Variants in COL4A4 observed in about 807,000 individuals in gnomAD.
The protein encoded by COL4A4 is collagen type IV alpha 4 chain, also known as collagen alpha-4(IV) chain.
COL4A4 carries 105 observed loss-of-function variants against 192.9 expected under a neutral mutation model. The ratio of observed to expected loss-of-function variants is 0.54; its 90% confidence interval spans 0.46 to 0.64. The LOEUF is 0.64. Ranked by LOEUF, COL4A4 falls within the 30% of genes least tolerant of loss-of-function variation. COL4A4 has a pLI of 0.00. For missense variants in COL4A4, 1,967 were observed against 2,169.3 expected, an observed-to-expected ratio of 0.91 and a Z score of 1.85; for synonymous variants, 762 against 769.9, an observed-to-expected ratio of 0.99 and a Z score of 0.17.
intron 8 of COL4A4, among the ~76,000 whole-genome samples, chr2:227,112,488 C>T (rs749505855): frequency 1.3e-5 from 2 of 152,108 alleles, no homozygotes; most frequent in African/African-American, 2.4e-5. Flanking sequence ...AGGCTGGTCT[C>T]GAACTCCTGA....
intron 34 of COL4A4, among the ~76,000 whole-genome samples, chr2:227,048,299 A>G (rs1973325431): frequency 6.6e-6 from 1 of 152,156 alleles, no homozygotes; most frequent in South Asian, 2.1e-4. Flanking sequence ...TCTTTCTCCT[A>G]TCTGATTTTA....
Position 227,032,232 on chromosome 2 carries a change from GCCCAGGTATT to G in COL4A4, c.3612_3621del (p.Ile1205Ter). 6.2e-7 allele frequency: 1 copy of G among 1,614,006 alleles called. No individual in the cohort carries two copies. Among genetic ancestry groups the G allele is most frequent in the East Asian group, 2.2e-5 (1 of 44,874 alleles). ...CCAGGGTCTCCTCTCTCCCCTTTTA[GCCCAGGTATT>G]CCCACTGGACCAGGTGGCCCCACAT... On this transcript the variant is annotated frameshift_variant, in exon 39 of 48. Transcript: ENST00000396625. LOFTEE classifies it high-confidence loss of function.
chr2:227,152,537 C>G (rs2064022298), intron 1 of COL4A4, among the ~76,000 whole-genome samples: 1 of 152,192 alleles, frequency 6.6e-6, no homozygotes, highest in Non-Finnish European at 1.5e-5. Flanking sequence ...GTTGCAGAGA[C>G]TTTTATGACT....
intron 4 of COL4A4, among the ~76,000 whole-genome samples, chr2:227,125,393 G>C (rs2062027699): frequency 1.3e-5 from 2 of 151,978 alleles, no homozygotes; most frequent in Non-Finnish European, 2.9e-5. Flanking sequence ...ATTTTTAGTA[G>C]AGACTGGGTT....
chr2:227,020,472 A>G, intron 44 of COL4A4, among the ~76,000 whole-genome samples: 1 of 152,212 alleles, frequency 6.6e-6, no homozygotes, highest in East Asian at 1.9e-4. Flanking sequence ...GAAAACCCAA[A>G]TTAATTTGAG....
chr2:227,159,507 C>T (rs1345899503), intron 1 of COL4A4, among the ~76,000 whole-genome samples: 1 of 152,144 alleles, frequency 6.6e-6, no homozygotes, highest in Non-Finnish European at 1.5e-5. Context: ...TTTTTAGATT[C>T]CCTAATGATA....
chr2:227,141,125 G>A (rs2063181051), intron 3 of COL4A4, among the ~76,000 whole-genome samples: 1 of 152,220 alleles, frequency 6.6e-6, no homozygotes, highest in Admixed American at 6.5e-5. Flanking sequence ...GGGAGGGAGT[G>A]GTGGTTTAGG....
At chr2:227,098,573 G>A (rs996909997) in intron 19 of COL4A4, 121 bp downstream of exon 19, 23 of 754,126 alleles carry the variant, frequency 3.0e-5, no homozygotes, top group South Asian at 8.0e-5. Flanking sequence ...CACAGGCATC[G>A]GTATTATTTT....
the COL4A4 span, among the ~76,000 whole-genome samples, chr2:226,976,454 G>A: frequency 1.3e-5 from 2 of 151,898 alleles, 1 homozygote; most frequent in African/African-American, 4.8e-5. Context: ...CAAAATGTGT[G>A]AGCTTTACCC....
At chr2:226,992,938 G>A in the COL4A4 span, among the ~76,000 whole-genome samples, 1 of 152,202 alleles carries the variant, frequency 6.6e-6, no homozygotes, top group Non-Finnish European at 1.5e-5. Context: ...GGGAGTGAAA[G>A]CTAAGTGGAG....
At chr2:226,968,617 A>G in the COL4A4 span, among the ~76,000 whole-genome samples, 1 of 152,240 alleles carries the variant, frequency 6.6e-6, no homozygotes. Context: ...ACACACAAAA[A>G]AGAGCATCGC....
At chr2:227,143,792 A>T (rs1346209703) in intron 3 of COL4A4, among the ~76,000 whole-genome samples, 1 of 152,248 alleles carries the variant, frequency 6.6e-6, no homozygotes, top group East Asian at 1.9e-4. Flanking sequence ...AATACAGGAG[A>T]TAACTGAGTC....
intron 44 of COL4A4, among the ~76,000 whole-genome samples, chr2:227,014,842 G>T (rs547889351): frequency 1.8e-4 from 27 of 150,374 alleles, no homozygotes; most frequent in African/African-American, 6.6e-4. Flanking sequence ...AGGGCTAAAG[G>T]TACTGCCTCC....
intron 43 of COL4A4, among the ~76,000 whole-genome samples, chr2:227,023,998 C>CT (rs1308367387): frequency 8.2e-6 from 1 of 122,502 alleles, no homozygotes; most frequent in African/African-American, 3.2e-5. Context: ...GAGCAAGACT[C>CT]TGTCTCAAAA....
chr2:227,041,902 G>GAAAGAAAGAA (rs1559479214), intron 37 of COL4A4, among the ~76,000 whole-genome samples: 1 of 150,380 alleles, frequency 6.6e-6, no homozygotes, highest in African/African-American at 2.5e-5. Context: ...AAGAAAGAAA[G>GAAAGAAAGAA]AAAGAAAGAA....
At position 227,147,459 on chromosome 2, in the gene COL4A4, T is replaced by G; in HGVS notation, c.25A>C (p.Met9Leu). 6.2e-7 allele frequency: 1 copy of G among 1,613,862 alleles called. No homozygotes were observed. The highest frequency in any genetic ancestry group is 8.5e-7 in the Non-Finnish European group (1 of 1,179,836). The stretch of plus-strand genomic sequence containing the variant: ...TTGGTCAATCTGAAGGAGCACCTCA[T>G]TAGTACTATGTGCAGAGACCACATC... MWSLHIVL[M>L]RCSFRLTKSL... Residue 9 changes from methionine (M) to leucine (L), a missense_variant, in exon 2 of 48, where the codon ATG (methionine) becomes CTG (leucine). By Grantham distance (15) the Met-to-Leu change is conservative. Transcript: ENST00000396625.
intron 3 of COL4A4, among the ~76,000 whole-genome samples, chr2:227,143,553 GA>G (rs762229888): frequency 1.4e-4 from 21 of 152,234 alleles, no homozygotes; most frequent in Non-Finnish European, 2.8e-4. Flanking sequence ...CTTTGATTCA[GA>G]AATTATGTTT....
intron 25 of COL4A4, among the ~76,000 whole-genome samples, chr2:227,063,683 A>G (rs1270399317): frequency 6.6e-6 from 1 of 152,046 alleles, no homozygotes; most frequent in Non-Finnish European, 1.5e-5. Context: ...TATTTAAAAT[A>G]CCTTCTTTTT....
At chr2:227,154,962 G>A (rs1445295630) in intron 1 of COL4A4, among the ~76,000 whole-genome samples, 1 of 152,124 alleles carries the variant, frequency 6.6e-6, no homozygotes, top group Non-Finnish European at 1.5e-5. Flanking sequence ...ATTTAGGTTG[G>A]TTTGAGCTCT....
Sources: gnomAD v4.1 joint callset for allele counts (sites outside exome capture counted in the v4.1 genomes callset) on GRCh38, gnomAD v4.1.1 for gene constraint, MANE v1.5 for transcripts, NCBI Gene and HGNC (gene_info 2026-07-23, HGNC 2026-07-21) for gene names.